CHD9: variants seen among roughly 807,000 people sequenced by gnomAD.
CHD9 encodes chromodomain helicase DNA binding protein 9.
In CHD9, 77 loss-of-function variants were observed where a neutral mutation model predicts 316.1. The ratio of observed to expected loss-of-function variants is 0.24; its 90% CI spans 0.20 to 0.29. The LOEUF (loss-of-function observed/expected upper bound fraction) is 0.29, where lower values mean the gene tolerates loss of function less well. CHD9 is among the 10% of genes least tolerant of loss of function. CHD9 has a pLI of 1.00. For missense variants in CHD9, 2,763 were observed against 3,438.1 expected, an observed-to-expected ratio of 0.80 and a Z score of 4.91; for synonymous variants, 1,129 against 1,158.3, an observed-to-expected ratio of 0.97 and a Z score of 0.51.
chr16:53,304,714 G>C, intron 31 of CHD9, 89 bp downstream of exon 31: 1 of 940,332 alleles, frequency 1.1e-6, no homozygotes, highest in Non-Finnish European at 1.4e-6. Context: ...TTTTTTTTGA[G>C]ATGGAGTTTT....
intron 36 of CHD9, 113 bp downstream of exon 36, chr16:53,315,157 C>G (rs2153102943): frequency 1.4e-6 from 1 of 707,814 alleles, no homozygotes; most frequent in East Asian, 2.7e-5. Context: ...CTGCCTAAGA[C>G]CTAGGAGAAT....
At chr16:53,301,023 A>G (rs1192547519) in intron 30 of CHD9, among the ~76,000 whole-genome samples, 2 of 152,222 alleles carry the variant, frequency 1.3e-5, no homozygotes, top group African/African-American at 2.4e-5. Flanking sequence ...CAGTGAGCCA[A>G]GATCGCACCA....
chr16:53,129,509 T>G (rs1042676778), intron 1 of CHD9, among the ~76,000 whole-genome samples: 3 of 152,252 alleles, frequency 2.0e-5, no homozygotes, highest in Non-Finnish European at 4.4e-5. Context: ...TGATCCACTC[T>G]GGAGGGCCTT....
chr16:53,089,105 CT>C (rs1323926367), intron 1 of CHD9, among the ~76,000 whole-genome samples: 1 of 150,974 alleles, frequency 6.6e-6, no homozygotes, highest in Non-Finnish European at 1.5e-5. Flanking sequence ...GAGTGAGACT[CT>C]GTCTCAAAAA....
At chr16:53,206,164 G>A (rs2045879643) in intron 2 of CHD9, among the ~76,000 whole-genome samples, 1 of 151,858 alleles carries the variant, frequency 6.6e-6, no homozygotes, top group South Asian at 2.1e-4. Context: ...TGTTGGTCAG[G>A]CTGGTCTCGA....
intron 1 of CHD9, among the ~76,000 whole-genome samples, chr16:53,094,611 G>A (rs1008608645): frequency 1.7e-4 from 25 of 151,332 alleles, no homozygotes; most frequent in African/African-American, 6.1e-4. Flanking sequence ...CTTCATACCA[G>A]TCCCAAGAGC....
intron 1 of CHD9, among the ~76,000 whole-genome samples, chr16:53,094,611 G>C (rs1008608645): frequency 6.6e-6 from 1 of 151,332 alleles, no homozygotes; most frequent in South Asian, 2.1e-4. Flanking sequence ...CTTCATACCA[G>C]TCCCAAGAGC....
At chr16:53,174,562 A>G (rs550158820) in intron 2 of CHD9, among the ~76,000 whole-genome samples, 33 of 152,212 alleles carry the variant, frequency 2.2e-4, no homozygotes, top group South Asian at 1.7e-3. Context: ...TGTTTATATT[A>G]ACATGGTATA....
chr16:53,279,271 A>C (rs1394312293), intron 24 of CHD9, among the ~76,000 whole-genome samples: 2 of 152,040 alleles, frequency 1.3e-5, no homozygotes, highest in Admixed American at 1.3e-4. Flanking sequence ...AAAAAAACCA[A>C]ACACCACATG....
chr16:53,180,297 G>A lies in CHD9; in HGVS notation c.1452+22756G>A, dbSNP rs541829240. Among the ~76,000 whole-genome samples, 16 of 152,088 alleles carry A rather than the reference G, an allele frequency of 1.1e-4. No individual in the cohort carries two copies. The South Asian group carries it at 2.7e-3, about 26-fold the overall frequency. On this transcript the variant is annotated intron_variant, in intron 2 of 38. Transcript: ENST00000447540. Reference sequence around the variant, plus strand: ...GCTGAGATTACAGACATGAGCCACCGCCCCCGGCCTTACCTTTGTTTTAAT... The same window carrying A: ...GCTGAGATTACAGACATGAGCCACCACCCCCGGCCTTACCTTTGTTTTAAT...
intron 2 of CHD9, among the ~76,000 whole-genome samples, chr16:53,196,126 C>A (rs1310039333): frequency 6.6e-6 from 1 of 152,154 alleles, no homozygotes; most frequent in Non-Finnish European, 1.5e-5. Flanking sequence ...GTATCACAGT[C>A]AAGAAACTGA....
chr16:53,094,114 TG>T (rs2036180248), intron 1 of CHD9, among the ~76,000 whole-genome samples: 1 of 152,204 alleles, frequency 6.6e-6, no homozygotes, highest in Non-Finnish European at 1.5e-5. Flanking sequence ...GCAGCTCAGC[TG>T]TCTGAGAGCA....
intron 2 of CHD9, among the ~76,000 whole-genome samples, chr16:53,157,767 T>G (rs758543616): frequency 2.2e-4 from 33 of 152,202 alleles, no homozygotes; most frequent in Non-Finnish European, 3.1e-4. Flanking sequence ...TAGAAAATTA[T>G]AAGGTGTTAA....
intron 2 of CHD9, among the ~76,000 whole-genome samples, chr16:53,174,803 TCTTA>T (rs905718188): frequency 5.3e-5 from 8 of 152,100 alleles, no homozygotes; most frequent in African/African-American, 1.9e-4. Flanking sequence ...AGAGATGCAG[TCTTA>T]CTTTGTTGCC....
Position 53,202,904 on chromosome 16 carries a change from GTTCCAC to G in CHD9, c.1453-6572_1453-6567del, listed in dbSNP as rs149895802. ...GTGAAGAAAGTGAAGTGAAATAATT[GTTCCAC>G]TTCCATGAAAAACTCTGAAAACAAA... is the stretch of plus-strand genomic sequence containing the variant. On this transcript the variant is annotated intron_variant, in intron 2 of 38. Coordinates refer to ENST00000447540, the MANE Select transcript of CHD9 (RefSeq NM_001308319.2). 4.3e-3 allele frequency among the ~76,000 whole-genome samples: 662 copies of G among 152,210 alleles called. 7 individuals are homozygous for G. Among genetic ancestry groups the G allele is most frequent in the African/African-American group, 0.015 (639 of 41,536 alleles).
At chr16:53,284,769 G>GT (rs2053716174) in intron 24 of CHD9, among the ~76,000 whole-genome samples, 1 of 152,088 alleles carries the variant, frequency 6.6e-6, no homozygotes, top group African/African-American at 2.4e-5. Context: ...GCATTTGAGT[G>GT]TTTTTTGTTT....
At chr16:53,210,203 C>T (rs1849656945) in intron 3 of CHD9, among the ~76,000 whole-genome samples, 1 of 150,936 alleles carries the variant, frequency 6.6e-6, no homozygotes, top group African/African-American at 2.4e-5. Flanking sequence ...CTTGGTTGTA[C>T]TTGTGCCTCA....
chr16:53,068,309 G>T (rs978742475), intron 1 of CHD9, among the ~76,000 whole-genome samples: 1 of 152,178 alleles, frequency 6.6e-6, no homozygotes, highest in South Asian at 2.1e-4. Flanking sequence ...TCTGACTCCA[G>T]ATCCAAACAC....
Position 53,259,009 on chromosome 16 carries a change from G to A in CHD9, c.4209+3230G>A, listed in dbSNP as rs1015442678. On this transcript the variant is annotated intron_variant, in intron 19 of 38. Coordinates refer to ENST00000447540, the MANE Select transcript of CHD9 (RefSeq NM_001308319.2). ...TGTCTGTCATAGGAAGATGGATTTC[G>A]CAATTTAAAATCTTCTCTTGCAAAT... Among the ~76,000 whole-genome samples the A allele has an allele frequency of 4.6e-5, 7 of 152,216 alleles. No homozygotes were observed. The East Asian group carries it at 5.8e-4, about 13-fold the overall frequency.
Sources: gnomAD v4.1 joint callset for allele counts (sites outside exome capture counted in the v4.1 genomes callset) on GRCh38, gnomAD v4.1.1 for gene constraint, MANE v1.5 for transcripts, NCBI Gene and HGNC (gene_info 2026-07-23, HGNC 2026-07-21) for gene names.